Variants in PDLIM5 observed in about 807,000 individuals in gnomAD.
PDLIM5 encodes the protein PDZ and LIM domain protein 5.
Under a neutral mutation model 64.2 loss-of-function variants are expected in PDLIM5, and 34 were observed. That is an observed-to-expected ratio of 0.53 (90% CI 0.40 to 0.71). The LOEUF (loss-of-function observed/expected upper bound fraction) is 0.71. PDLIM5 is among the 30% of genes least tolerant of loss of function. PDLIM5 has a pLI of 0.00. For missense variants in PDLIM5, 683 were observed against 733.6 expected (o/e 0.93, Z 0.80); for synonymous variants, 253 against 269.1 (o/e 0.94, Z 0.59).
chr4:94,615,731 G>T (rs1326988688), intron 7 of PDLIM5, among the ~76,000 whole-genome samples: 1 of 152,096 alleles, frequency 6.6e-6, no homozygotes, highest in Non-Finnish European at 1.5e-5. Flanking sequence ...CTGGTGACAG[G>T]GCTCTCACAG....
intron 7 of PDLIM5, chr4:94,611,215 G>T (rs1307306151): frequency 1.3e-6 from 2 of 1,531,412 alleles, no homozygotes. Flanking sequence ...TGTGGGAGCA[G>T]ATATGGCAAG....
chr4:94,619,341 TTC>T (rs1739032914), intron 8 of PDLIM5, among the ~76,000 whole-genome samples: 1 of 41,998 alleles, frequency 2.4e-5, no homozygotes, highest in Non-Finnish European at 4.2e-5. Context: ...CAAGTGATCT[TTC>T]TTTTTTTTCT....
chr4:94,466,218 T>C (rs755273019), intron 2 of PDLIM5, among the ~76,000 whole-genome samples: 6 of 152,212 alleles, frequency 3.9e-5, no homozygotes, highest in Non-Finnish European at 7.3e-5. Flanking sequence ...TCCTCCCATC[T>C]CAGCCTCCCA....
intron 7 of PDLIM5, among the ~76,000 whole-genome samples, chr4:94,610,916 C>G (rs1032334441): frequency 3.9e-5 from 6 of 152,024 alleles, no homozygotes; most frequent in Non-Finnish European, 8.8e-5. Context: ...TTCTTTCATC[C>G]TCCTTTGCTG....
At chr4:94,577,010 G>A (rs1163673836) in intron 5 of PDLIM5, among the ~76,000 whole-genome samples, 1 of 152,008 alleles carries the variant, frequency 6.6e-6, no homozygotes, top group African/African-American at 2.4e-5. Context: ...TTTCTATAAT[G>A]TAATCCTACT....
chr4:94,585,423 G>C (rs375959053), intron 5 of PDLIM5, 142 bp from the exon 6 acceptor site: 1 of 538,522 alleles, frequency 1.9e-6, no homozygotes, highest in Non-Finnish European at 2.9e-6. Flanking sequence ...ACTTGAGACC[G>C]AATATACTTG....
chr4:94,652,653 T>C (rs12511111), intron 9 of PDLIM5, among the ~76,000 whole-genome samples: 93,094 of 152,040 alleles, frequency 0.61, 29,164 homozygotes, highest in African/African-American at 0.74. Flanking sequence ...ATCTGTAGCC[T>C]TTCTTTTCTG....
chr4:94,610,407 C>T, intron 7 of PDLIM5: 1 of 574,234 alleles, frequency 1.7e-6, no homozygotes, highest in South Asian at 3.4e-5. Flanking sequence ...AATCATAGCT[C>T]TATTGTGAGC....
chr4:94,665,571 C>A lies in PDLIM5; in HGVS notation c.*1504C>A. The stretch of plus-strand genomic sequence containing the variant: ...TTGTGAATCAGAAGATTATACCCCC[C>A]AATTGTTTTTCAATCCCCTTTTCTC... On this transcript the variant is annotated 3_prime_UTR_variant, in exon 13 of 13. Coordinates refer to ENST00000317968, the MANE Select transcript of PDLIM5 (RefSeq NM_006457.5). 1 of 916,180 alleles carries A rather than the reference C, an allele frequency of 1.1e-6. No homozygotes were observed. The highest frequency in any genetic ancestry group is 1.3e-6 in the Non-Finnish European group (1 of 791,358). 56.8% of individuals were successfully genotyped at this position (916,180 alleles called of 1,614,324 possible). A position where few individuals can be genotyped will look rare whatever the true frequency, so the allele number is the denominator to read the frequency against.
intron 9 of PDLIM5, among the ~76,000 whole-genome samples, chr4:94,652,599 T>C (rs1263324698): frequency 6.6e-6 from 1 of 152,194 alleles, no homozygotes; most frequent in African/African-American, 2.4e-5. Flanking sequence ...TTGAAAATGA[T>C]GGACCACTTA....
intron 7 of PDLIM5, among the ~76,000 whole-genome samples, chr4:94,605,564 C>G (rs185103856): frequency 9.9e-5 from 15 of 152,232 alleles, no homozygotes; most frequent in African/African-American, 3.6e-4. Context: ...GGAGTAAACA[C>G]TGGGGAATGT....
chr4:94,511,914 G>A (rs2510793), intron 2 of PDLIM5, among the ~76,000 whole-genome samples: 63,865 of 151,942 alleles, frequency 0.42, 15,870 homozygotes, highest in South Asian at 0.72. Flanking sequence ...CTTGGCTGTT[G>A]TGAACACTGC....
intron 8 of PDLIM5, among the ~76,000 whole-genome samples, chr4:94,631,488 A>G (rs545183854): frequency 6.6e-6 from 1 of 152,348 alleles, no homozygotes; most frequent in Non-Finnish European, 1.5e-5. Context: ...CATTTATCCT[A>G]GCAGGCTCAG....
intron 9 of PDLIM5, among the ~76,000 whole-genome samples, chr4:94,640,817 C>T (rs1249690297): frequency 6.6e-6 from 1 of 152,050 alleles, no homozygotes; most frequent in Non-Finnish European, 1.5e-5. Context: ...GAAGTGAGGA[C>T]ATTCATTTAG....
intron 5 of PDLIM5, among the ~76,000 whole-genome samples, chr4:94,580,818 A>G (rs1004603868): frequency 1.5e-4 from 23 of 152,002 alleles, no homozygotes; most frequent in Admixed American, 1.5e-3. Flanking sequence ...TCCCTATATC[A>G]TCTGCTTGTG....
chr4:94,550,589 G>A (rs918867720), intron 3 of PDLIM5, among the ~76,000 whole-genome samples: 3 of 152,074 alleles, frequency 2.0e-5, no homozygotes, highest in Admixed American at 6.6e-5. Flanking sequence ...CAAAGTACCC[G>A]TTAGACACAC....
At chr4:94,601,004 G>T (rs1474646537) in intron 7 of PDLIM5, among the ~76,000 whole-genome samples, 3 of 152,166 alleles carry the variant, frequency 2.0e-5, no homozygotes, top group Non-Finnish European at 4.4e-5. Flanking sequence ...AGAGAAATGT[G>T]TAAGAGTTAT....
At chr4:94,554,423 CGTT>C (rs1733080423) in intron 3 of PDLIM5, among the ~76,000 whole-genome samples, 1 of 152,124 alleles carries the variant, frequency 6.6e-6, no homozygotes, top group African/African-American at 2.4e-5. Context: ...TCCATCTAGT[CGTT>C]TTTCTCTTCA....
intron 8 of PDLIM5, among the ~76,000 whole-genome samples, chr4:94,634,223 G>T (rs1740379742): frequency 6.6e-6 from 1 of 152,070 alleles, no homozygotes; most frequent in Admixed American, 6.6e-5. Flanking sequence ...GGTGGCAAGA[G>T]TAGAAGCAAG....
Sources: allele counts gnomAD v4.1 joint callset (sites outside exome capture counted in the v4.1 genomes callset), GRCh38; gene constraint gnomAD v4.1.1; transcripts MANE v1.5; gene names NCBI Gene and HGNC (gene_info 2026-07-23, HGNC 2026-07-21).